The following FHIT variants were observed in gnomAD, a reference collection of about 807,000 sequenced individuals.
The protein encoded by FHIT is fragile histidine triad diadenosine triphosphatase.
FHIT carries 19 observed loss-of-function variants against 17.9 expected under a neutral mutation model. The ratio of observed to expected loss-of-function variants is 1.06; its 90% CI spans 0.74 to 1.56. The LOEUF (loss-of-function observed/expected upper bound fraction) is 1.56. Ranked by LOEUF, FHIT falls within the 40% of genes most tolerant of loss-of-function variation. FHIT has a pLI of 0.00. For synonymous variants in FHIT, 81 were observed against 69.7 expected (o/e 1.16, Z -0.81); for missense variants, 248 against 189.2 (o/e 1.31, Z -1.82).
intron 5 of FHIT, among the ~76,000 whole-genome samples, chr3:60,055,430 T>G (rs1377903570): frequency 6.6e-6 from 1 of 150,756 alleles, no homozygotes; most frequent in Non-Finnish European, 1.5e-5. Context: ...AACTGACAAA[T>G]GTATGGTGAT....
At chr3:60,499,344 G>A (rs779685667) in intron 5 of FHIT, among the ~76,000 whole-genome samples, 3 of 152,054 alleles carry the variant, frequency 2.0e-5, no homozygotes, top group Non-Finnish European at 2.9e-5. Context: ...TATTAATCTG[G>A]TTCCAGACTC....
intron 4 of FHIT, among the ~76,000 whole-genome samples, chr3:60,633,812 C>T (rs554094602): frequency 2.6e-5 from 4 of 152,126 alleles, no homozygotes; most frequent in African/African-American, 9.7e-5. Flanking sequence ...TTTCCATCTG[C>T]GCGATTTAAC....
chr3:60,199,743 T>G (rs1330546713), intron 5 of FHIT, among the ~76,000 whole-genome samples: 1 of 152,122 alleles, frequency 6.6e-6, no homozygotes, highest in African/African-American at 2.4e-5. Flanking sequence ...AGATTTTTAT[T>G]TAAACATAAA....
At chr3:61,070,904 C>T (rs971475042) in intron 2 of FHIT, among the ~76,000 whole-genome samples, 2 of 152,138 alleles carry the variant, frequency 1.3e-5, no homozygotes, top group South Asian at 2.1e-4. Context: ...TACCACCTCT[C>T]GTCCTCTCCA....
chr3:61,216,253 G>A (rs2039671137), intron 1 of FHIT, among the ~76,000 whole-genome samples: 1 of 152,168 alleles, frequency 6.6e-6, no homozygotes, highest in Non-Finnish European at 1.5e-5. Flanking sequence ...ATTTGACAAA[G>A]GGCTAATATC....
chr3:60,415,174 T>C (rs1702199842), intron 5 of FHIT, among the ~76,000 whole-genome samples: 1 of 152,142 alleles, frequency 6.6e-6, no homozygotes, highest in African/African-American at 2.4e-5. Flanking sequence ...GATAATCTCT[T>C]ATGGATTTTG....
chr3:60,031,082 C>G (rs1255340772), intron 5 of FHIT, among the ~76,000 whole-genome samples: 1 of 152,176 alleles, frequency 6.6e-6, no homozygotes, highest in East Asian at 1.9e-4. Context: ...TTTGCAGCAG[C>G]ATGTGTGAAA....
intron 5 of FHIT, among the ~76,000 whole-genome samples, chr3:60,127,014 G>C (rs775546876): frequency 2.6e-5 from 4 of 152,152 alleles, no homozygotes; most frequent in Non-Finnish European, 5.9e-5. Context: ...GCAAGGGAGA[G>C]AGCCCTTGGA....
At chr3:60,382,869 C>T (rs533263306) in intron 5 of FHIT, among the ~76,000 whole-genome samples, 1 of 152,194 alleles carries the variant, frequency 6.6e-6, no homozygotes, top group Non-Finnish European at 1.5e-5. Flanking sequence ...AGACCTCTAT[C>T]ATTAGCAATC....
At position 60,799,914 on chromosome 3, in the gene FHIT, C is replaced by T. The variant is rs552545594; in HGVS notation, c.-18+22005G>A. 2.0e-5 allele frequency among the ~76,000 whole-genome samples: 3 copies of T among 152,288 alleles called. No individual in the cohort carries two copies. In the South Asian group the frequency reaches 6.2e-4, roughly 32 times the overall value. ...AGGATAATTTTTATTTTGTTTATCA[C>T]TTCCAGTGCCCACAATGCCTGGAAA... On this transcript the variant is annotated intron_variant, in intron 4 of 9. Transcript: ENST00000492590.
At chr3:59,919,811 G>GT (rs1705316349) in intron 8 of FHIT, among the ~76,000 whole-genome samples, 1 of 152,176 alleles carries the variant, frequency 6.6e-6, no homozygotes, top group Non-Finnish European at 1.5e-5. Context: ...TCAATATAAA[G>GT]AATGCCATCC....
chr3:59,854,959 A>G (rs988349660), intron 8 of FHIT, among the ~76,000 whole-genome samples: 1 of 152,212 alleles, frequency 6.6e-6, no homozygotes, highest in African/African-American at 2.4e-5. Flanking sequence ...TCTACCTCAC[A>G]TAACTACAGA....
intron 7 of FHIT, among the ~76,000 whole-genome samples, chr3:59,972,328 C>G (rs1284712365): frequency 6.6e-6 from 1 of 152,030 alleles, no homozygotes; most frequent in Admixed American, 6.6e-5. Context: ...TTATTGCCAG[C>G]AACTCAAGTG....
intron 5 of FHIT, among the ~76,000 whole-genome samples, chr3:60,169,629 T>A (rs1311003791): frequency 2.0e-5 from 3 of 152,084 alleles, no homozygotes; most frequent in South Asian, 2.1e-4. Flanking sequence ...TAATCCTGAG[T>A]ATATTTTGGG....
At position 60,849,120 on chromosome 3, in the gene FHIT, T is replaced by C. The variant is rs1017232692; in HGVS notation, c.-110-27109A>G. Among the ~76,000 whole-genome samples, 33 of 152,064 alleles carry C rather than the reference T, an allele frequency of 2.2e-4. 1 individual carries two copies. The highest frequency in any genetic ancestry group is 7.2e-4 in the African/African-American group (30 of 41,382). On this transcript the variant is annotated intron_variant, in intron 3 of 9. Transcript: ENST00000492590. ...TTTCCTGAAAGGGAAAACCATGTAA[T>C]TATAACTAGATTTTCACATGTTAAC...
intron 5 of FHIT, among the ~76,000 whole-genome samples, chr3:60,228,790 A>T (rs1233628794): frequency 6.6e-6 from 1 of 152,192 alleles, no homozygotes; most frequent in Non-Finnish European, 1.5e-5. Flanking sequence ...CTGGTCTCTA[A>T]GCTTAAGTCA....
At chr3:60,960,809 C>A (rs1005832779) in intron 3 of FHIT, among the ~76,000 whole-genome samples, 21 of 152,218 alleles carry the variant, frequency 1.4e-4, no homozygotes, top group Non-Finnish European at 1.0e-4. Flanking sequence ...ATATGTGCCA[C>A]ATTTTCTTAA....
chr3:59,942,106 C>T (rs374170754), intron 7 of FHIT, among the ~76,000 whole-genome samples: 17 of 152,248 alleles, frequency 1.1e-4, no homozygotes, highest in South Asian at 2.1e-4. Context: ...CTATTCACAT[C>T]GCCACCCTGA....
chr3:60,551,588 A>G (rs1362386273), intron 4 of FHIT, among the ~76,000 whole-genome samples: 2 of 52,390 alleles, frequency 3.8e-5, no homozygotes, highest in African/African-American at 8.0e-5. Context: ...GGAGGGGAGG[A>G]GAGAGGAGAG....
Sources: gnomAD v4.1 joint callset for allele counts (sites outside exome capture counted in the v4.1 genomes callset) on GRCh38, gnomAD v4.1.1 for gene constraint, MANE v1.5 for transcripts, NCBI Gene and HGNC (gene_info 2026-07-23, HGNC 2026-07-21) for gene names.